Variants in DEFB1 observed in about 807,000 individuals in gnomAD.
DEFB1 encodes the protein defensin beta 1.
In DEFB1, 4 loss-of-function variants were observed where a neutral mutation model predicts 2.6. That is an observed-to-expected ratio of 1.53 (90% confidence interval 0.76 to 3.51). The LOEUF is 3.51. DEFB1 is among the 30% of genes most tolerant of loss of function. The pLI is 0.01. For synonymous variants in DEFB1, 56 were observed against 28.5 expected, an observed-to-expected ratio of 1.96 and a Z score of -3.07; for missense variants, 162 against 76.9, an observed-to-expected ratio of 2.11 and a Z score of -4.14.
intron 1 of DEFB1, among the ~76,000 whole-genome samples, chr8:6,872,924 A>G (rs2980927): frequency 0.81 from 123,578 of 152,202 alleles, 50,307 homozygotes; most frequent in Middle Eastern, 0.88. Flanking sequence ...TCCAACCCAC[A>G]CTGCGAAAGA....
At chr8:6,876,737 A>AG (rs1806544072) in intron 1 of DEFB1, among the ~76,000 whole-genome samples, 1 of 150,780 alleles carries the variant, frequency 6.6e-6, no homozygotes, top group Non-Finnish European at 1.5e-5. Flanking sequence ...CAGGAGGCAG[A>AG]GGCTGCAGTG....
chr8:6,877,551 G>A (rs1334694883), intron 1 of DEFB1, among the ~76,000 whole-genome samples: 1 of 152,234 alleles, frequency 6.6e-6, no homozygotes, highest in East Asian at 1.9e-4. Context: ...GGACAAGGAT[G>A]CAGGCAGCTG....
At chr8:6,872,648 C>T (rs974522871) in intron 1 of DEFB1, among the ~76,000 whole-genome samples, 2 of 152,150 alleles carry the variant, frequency 1.3e-5, no homozygotes, top group African/African-American at 4.8e-5. Flanking sequence ...GTTCTCCCAT[C>T]CCAGTACTCA....
intron 1 of DEFB1, among the ~76,000 whole-genome samples, chr8:6,872,408 T>C (rs929069713): frequency 2.6e-5 from 4 of 152,184 alleles, no homozygotes; most frequent in African/African-American, 9.7e-5. Flanking sequence ...ACAGCAGATA[T>C]AGAATCTTTT....
Position 6,870,805 on chromosome 8 carries a change from A to T in DEFB1, c.83T>A (p.Leu28His), listed in dbSNP as rs752488601. 3 of 1,613,596 alleles carry T rather than the reference A, an allele frequency of 1.9e-6. No homozygotes were observed. In the East Asian group the frequency reaches 6.7e-5, roughly 36 times the overall value. Residue 28 changes from leucine to histidine, a missense_variant, in exon 2 of 2, where the codon CTT (leucine) becomes CAT (histidine). By Grantham distance (99) the Leu-to-His change is moderately conservative. Transcript: ENST00000297439. ...MASGGNFLTG[L>H]GHRSDHYNCV... Reference sequence around the variant, plus strand: ...ATTGTAATGATCAGATCTGTGGCCAAGGCCTGTGAGAAAGTTACCACCTGT... The same window carrying T: ...ATTGTAATGATCAGATCTGTGGCCATGGCCTGTGAGAAAGTTACCACCTGT...
chr8:6,877,257 G>C (rs1016951999), intron 1 of DEFB1, among the ~76,000 whole-genome samples: 3 of 152,220 alleles, frequency 2.0e-5, no homozygotes, highest in African/African-American at 7.2e-5. Context: ...CCTATTGACT[G>C]GGGAGACTGC....
chr8:6,876,269 G>A (rs1431032791), intron 1 of DEFB1, among the ~76,000 whole-genome samples: 1 of 152,150 alleles, frequency 6.6e-6, no homozygotes, highest in African/African-American at 2.4e-5. Flanking sequence ...GAGGTCAGGA[G>A]TTAAAGACCA....
Position 6,877,889 on chromosome 8 carries a change from G to A in DEFB1, c.-32C>T, listed in dbSNP as rs1473908854. ...TGGCAGGCAACACCCAGGATTTCAGGAACTGGGGAGACGCTGGCTCCTTTG... is the reference window on the plus strand; with the variant it reads ...TGGCAGGCAACACCCAGGATTTCAGAAACTGGGGAGACGCTGGCTCCTTTG... On this transcript the variant is annotated 5_prime_UTR_variant, in exon 1 of 2. Coordinates refer to ENST00000297439, the MANE Select transcript of DEFB1 (RefSeq NM_005218.4). 1.2e-6 allele frequency: 2 copies of A among 1,605,942 alleles called. No homozygotes were observed. Among genetic ancestry groups the A allele is most frequent in the Middle Eastern group, 3.3e-4 (2 of 6,054 alleles).
At chr8:6,872,481 G>A (rs1033525854) in intron 1 of DEFB1, among the ~76,000 whole-genome samples, 1 of 152,022 alleles carries the variant, frequency 6.6e-6, no homozygotes, top group African/African-American at 2.4e-5. Context: ...TTGATACCAG[G>A]CTTCAAACGT....
In DEFB1 at chr8:6,870,661, T is replaced by A; in HGVS notation, c.*20A>T. On this transcript the variant is annotated 3_prime_UTR_variant, in exon 2 of 2. Coordinates refer to ENST00000297439, the MANE Select transcript of DEFB1 (RefSeq NM_005218.4). ...AAAGTTCATTTCACTTCTGCGTCAT[T>A]TCTTCTGGTCACTCCCAGCTCACTT... The A allele has an allele frequency of 6.2e-7, 1 of 1,601,620 alleles. No individual in the cohort carries two copies. The highest frequency in any genetic ancestry group is 8.5e-7 in the Non-Finnish European group (1 of 1,176,582).
At chr8:6,875,304 A>C (rs1203981511) in intron 1 of DEFB1, among the ~76,000 whole-genome samples, 1 of 152,216 alleles carries the variant, frequency 6.6e-6, no homozygotes, top group East Asian at 1.9e-4. Flanking sequence ...CCTCTTTTCT[A>C]GGAAAGTTTC....
Position 6,870,770 on chromosome 8 carries a change from T to G in DEFB1, c.118A>C (p.Ser40Arg), listed in dbSNP as rs752292305. The change falls in exon 2 of 2, where the codon AGT becomes CGT. Residue 40 changes from serine to arginine, a missense_variant. Transcript: ENST00000297439. ...HRSDHYNCVS[S>R]GGQCLYSACP... ...GCAGAATAGAGACATTGCCCTCCAC[T>G]GCTGACGCAATTGTAATGATCAGAT... 1.2e-5 allele frequency: 19 copies of G among 1,614,152 alleles called. No homozygotes were observed. In the East Asian group the frequency reaches 3.6e-4, roughly 30 times the overall value.
At chr8:6,874,359 T>TA (rs11356431) in intron 1 of DEFB1, among the ~76,000 whole-genome samples, 1 of 152,040 alleles carries the variant, frequency 6.6e-6, no homozygotes, top group South Asian at 2.1e-4. Context: ...ATTACTTTTT[T>TA]AAAAAAAATT....
chr8:6,877,754 C>G (rs1328290262), intron 1 of DEFB1, 43 bp downstream of exon 1: 2 of 1,569,956 alleles, frequency 1.3e-6, no homozygotes, highest in Non-Finnish European at 1.8e-6. Context: ...CCCATTGTCC[C>G]CAGCCCTGGG....
In DEFB1 at chr8:6,877,811, G is replaced by T; in HGVS notation, c.47C>A (p.Ser16Tyr). Residue 16 changes from serine to tyrosine, a missense_variant, in exon 1 of 2, where the codon TCT (serine) becomes TAT (tyrosine). Physicochemically the swap from Ser to Tyr is moderately radical, Grantham distance 144 (BLOSUM62 -2). Transcript: ENST00000297439. Reference sequence around the variant, plus strand: ...CCAGAGCTTACCTGAGGCCATCTCAGACAAAAGTAAGCAGAGAGTAAACAG... The same window carrying T: ...CCAGAGCTTACCTGAGGCCATCTCATACAAAAGTAAGCAGAGAGTAAACAG... ...LLLFTLCLLL[S>Y]EMASGGNFLT... 3 of 1,613,978 alleles carry T rather than the reference G, an allele frequency of 1.9e-6. No individual in the cohort carries two copies. The highest frequency in any genetic ancestry group is 2.5e-6 in the Non-Finnish European group (3 of 1,179,920).
intron 1 of DEFB1, among the ~76,000 whole-genome samples, chr8:6,876,212 C>T (rs1806523359): frequency 6.6e-6 from 1 of 152,144 alleles, no homozygotes; most frequent in African/African-American, 2.4e-5. Flanking sequence ...CGTGGTGGCT[C>T]ATGGCTGTAA....
At chr8:6,870,963 C>G (rs1323374556) in intron 1 of DEFB1, 137 bp from the exon 2 acceptor site, 1 of 972,814 alleles carries the variant, frequency 1.0e-6, no homozygotes, top group East Asian at 2.7e-5. Flanking sequence ...CATGATTGAT[C>G]TTTGGGGCTA....
At chr8:6,875,499 T>C (rs952064440) in intron 1 of DEFB1, among the ~76,000 whole-genome samples, 5 of 152,220 alleles carry the variant, frequency 3.3e-5, no homozygotes, top group Non-Finnish European at 7.3e-5. Flanking sequence ...CAGTTGCCTG[T>C]AACTATGTAT....
At chr8:6,877,699 T>C in intron 1 of DEFB1, 98 bp downstream of exon 1, 1 of 1,100,960 alleles carries the variant, frequency 9.1e-7, no homozygotes. Context: ...TGCTTGTTCC[T>C]CGTCCCTTGG....
Sources: allele counts gnomAD v4.1 joint callset (sites outside exome capture counted in the v4.1 genomes callset), GRCh38; gene constraint gnomAD v4.1.1; transcripts MANE v1.5; gene names NCBI Gene and HGNC (gene_info 2026-07-23, HGNC 2026-07-21).